Variants in SLC6A19 observed in about 807,000 individuals in gnomAD.
SLC6A19 encodes the protein sodium-dependent neutral amino acid transporter B(0)AT1.
In SLC6A19, 67 loss-of-function variants were observed where a neutral mutation model predicts 68.3. The ratio of observed to expected loss-of-function variants is 0.98; its 90% CI spans 0.81 to 1.20. The LOEUF (loss-of-function observed/expected upper bound fraction) is 1.20. SLC6A19 is among the 50% of genes most tolerant of loss of function. The probability of loss-of-function intolerance (pLI) is 0.00; values close to 1 mark genes in which losing one functional copy is unlikely to be tolerated. For synonymous variants in SLC6A19, 392 were observed against 374.9 expected, an observed-to-expected ratio of 1.05 and a Z score of -0.53; for missense variants, 813 against 851.6, an observed-to-expected ratio of 0.95 and a Z score of 0.56.
intron 1 of SLC6A19, among the ~76,000 whole-genome samples, chr5:1,206,364 C>CTG (rs112616037): frequency 0.21 from 18,881 of 89,432 alleles, 1,438 homozygotes; most frequent in Middle Eastern, 0.37. Context: ...GACTCTGTCT[C>CTG]TGTGTGTGTG....
intron 5 of SLC6A19, 87 bp downstream of exon 5, chr5:1,213,660 C>T (rs1373052875): frequency 3.0e-6 from 4 of 1,323,052 alleles, no homozygotes; most frequent in African/African-American, 1.5e-5. Flanking sequence ...CAGCTCTCAC[C>T]CACGGGGACA....
At chr5:1,205,070 C>T (rs1225881954) in intron 1 of SLC6A19, among the ~76,000 whole-genome samples, 2 of 152,168 alleles carry the variant, frequency 1.3e-5, no homozygotes, top group African/African-American at 2.4e-5. Context: ...ACGTCCCCAC[C>T]CCATTCTCTC....
intron 10 of SLC6A19, among the ~76,000 whole-genome samples, chr5:1,220,036 C>G (rs866584485): frequency 6.6e-6 from 1 of 152,004 alleles, no homozygotes; most frequent in Non-Finnish European, 1.5e-5. Flanking sequence ...TGCTCCAGGC[C>G]TTTTTAGGGC....
At position 1,222,475 on chromosome 5, in the gene SLC6A19, CAT is replaced by C. The variant is rs1345631167; in HGVS notation, c.*572_*573del. 7.0e-6 allele frequency: 3 copies of C among 431,640 alleles called. No homozygotes were observed. Among genetic ancestry groups the C allele is most frequent in the East Asian group, 3.2e-5 (1 of 30,804 alleles). 26.7% of individuals were successfully genotyped at this position (431,640 alleles called of 1,614,324 possible). A position where few individuals can be genotyped will look rare whatever the true frequency, so the allele number is the denominator to read the frequency against. On this transcript the variant is annotated 3_prime_UTR_variant, in exon 12 of 12. Transcript: ENST00000304460. ...GTGTGCGTTTGCAAGTATATATGCACATGTGTATATGTACATGTATGCCTGTG... is the reference window on the plus strand; with the variant it reads ...GTGTGCGTTTGCAAGTATATATGCACGTGTATATGTACATGTATGCCTGTG...
At chr5:1,205,848 G>A (rs13171163) in intron 1 of SLC6A19, among the ~76,000 whole-genome samples, 54,015 of 151,522 alleles carry the variant, frequency 0.36, 10,513 homozygotes, top group Non-Finnish European at 0.46. Context: ...CTGCAGGTGA[G>A]CCTGCAGCCC....
Position 1,215,609 on chromosome 5 carries a change from T to C in SLC6A19, c.888-949T>C, listed in dbSNP as rs1249003115. Among the ~76,000 whole-genome samples the C allele has an allele frequency of 6.6e-6, 1 of 152,254 alleles. No individual in the cohort carries two copies. Among genetic ancestry groups the C allele is most frequent in the African/African-American group, 2.4e-5 (1 of 41,464 alleles). On this transcript the variant is annotated intron_variant, in intron 6 of 11. Transcript: ENST00000304460. This position sits in a 1 kb window ranked among gnomAD's most constrained non-coding sequence, Gnocchi z 5.1. The stretch of plus-strand genomic sequence containing the variant: ...ATTCCTGTTTAGGGCTGAGCAATAT[T>C]TCATGGTGTGCATGGGCTACGGTTT...
chr5:1,212,048 T>C lies in SLC6A19; in HGVS notation c.482-255T>C, dbSNP rs1027458042. ...TGCATGTGTGTGCTGTGTGTGTGTGTGCATGTGCATGTGTGGGGTGTGCAG... is the reference window on the plus strand; with the variant it reads ...TGCATGTGTGTGCTGTGTGTGTGTGCGCATGTGCATGTGTGGGGTGTGCAG... On this transcript the variant is annotated intron_variant, in intron 3 of 11. Transcript: ENST00000304460. The surrounding 1 kb of genome is among the most constrained non-coding windows in gnomAD (Gnocchi z 5.1). Among the ~76,000 whole-genome samples, 2 of 151,098 alleles carry C rather than the reference T, an allele frequency of 1.3e-5. No homozygotes were observed. The highest frequency in any genetic ancestry group is 4.9e-5 in the African/African-American group (2 of 40,946).
chr5:1,218,827 G>A lies in SLC6A19; in HGVS notation c.1174-76G>A, dbSNP rs892608796. 2.2e-5 allele frequency: 34 copies of A among 1,519,974 alleles called. No individual in the cohort carries two copies. The African/African-American group carries it at 2.3e-4, about 10-fold the overall frequency. The allele number at this position is 1,519,974 out of a possible 1,614,324, so 94.2% of individuals were successfully genotyped here. A position where few individuals can be genotyped will look rare whatever the true frequency, so the allele number is the denominator to read the frequency against. On this transcript the variant is annotated intron_variant, in intron 8 of 11. Transcript: ENST00000304460. The stretch of plus-strand genomic sequence containing the variant: ...GCCCCATGCTGCGTGGCTTGGCGAC[G>A]CACGAGACCTCGGGCGGGGAGGAGA...
In SLC6A19 at chr5:1,209,361, G is replaced by A. The variant is rs1288779139; in HGVS notation, c.343+475G>A. 6.6e-6 allele frequency among the ~76,000 whole-genome samples: 1 copy of A among 152,208 alleles called. No individual in the cohort carries two copies. Among genetic ancestry groups the A allele is most frequent in the Non-Finnish European group, 1.5e-5 (1 of 68,038 alleles). On this transcript the variant is annotated intron_variant, in intron 2 of 11. Coordinates refer to ENST00000304460, the MANE Select transcript of SLC6A19 (RefSeq NM_001003841.3). The surrounding 1 kb of genome is among the most constrained non-coding windows in gnomAD (Gnocchi z 5.5). ...TCACCAAGAGGACACGGCTCATTAA[G>A]CCCTCAGAATATGGGCAGACGGTGA...
At chr5:1,210,421 C>T (rs562711335) in intron 2 of SLC6A19, 23 bp from the exon 3 acceptor site, 1 of 1,612,010 alleles carries the variant, frequency 6.2e-7, no homozygotes, top group East Asian at 2.2e-5. Flanking sequence ...CGGCCCCAAG[C>T]CTCAGCAGCA....
chr5:1,209,256 G>C lies in SLC6A19; in HGVS notation c.343+370G>C, dbSNP rs1418966597. Among the ~76,000 whole-genome samples the C allele has an allele frequency of 6.6e-6, 1 of 152,148 alleles. No homozygotes were observed. Among genetic ancestry groups the C allele is most frequent in the Non-Finnish European group, 1.5e-5 (1 of 68,022 alleles). On this transcript the variant is annotated intron_variant, in intron 2 of 11. Coordinates refer to ENST00000304460, the MANE Select transcript of SLC6A19 (RefSeq NM_001003841.3). This position sits in a 1 kb window ranked among gnomAD's most constrained non-coding sequence, Gnocchi z 5.5. ...GTGTCCACTCCCCCACACCTAGTGA[G>C]GAGGTCCCCAGCACTGACACCCCCA...
chr5:1,211,296 G>A (rs1418456419), intron 3 of SLC6A19, among the ~76,000 whole-genome samples: 1 of 152,246 alleles, frequency 6.6e-6, no homozygotes, highest in Non-Finnish European at 1.5e-5. Context: ...CCGGGGCTGT[G>A]GGGTCCTCTG....
At chr5:1,210,218 A>C (rs370290026) in intron 2 of SLC6A19, among the ~76,000 whole-genome samples, 1 of 66,076 alleles carries the variant, frequency 1.5e-5, no homozygotes, top group South Asian at 5.1e-4. Context: ...AGGCGTGTGC[A>C]GGGCAGGCGT....
chr5:1,213,057 G>A (rs1412325428), intron 4 of SLC6A19, among the ~76,000 whole-genome samples: 6 of 101,950 alleles, frequency 5.9e-5, no homozygotes, highest in African/African-American at 1.1e-4. Context: ...CCAGCCGCCC[G>A]CAGGCCCTGC....
In SLC6A19 at chr5:1,214,689, G is replaced by A. The variant is rs1037619355; in HGVS notation, c.887+624G>A. ...CAAGTGCAGAAGTTGTCCTCTGTGT[G>A]GTGACCAGAATTTCAGAGCAGAAGG... On this transcript the variant is annotated intron_variant, in intron 6 of 11. Transcript: ENST00000304460. The surrounding 1 kb of genome is among the most constrained non-coding windows in gnomAD (Gnocchi z 7.4). Among the ~76,000 whole-genome samples the A allele has an allele frequency of 6.6e-6, 1 of 152,190 alleles. No individual in the cohort carries two copies. Among genetic ancestry groups the A allele is most frequent in the South Asian group, 2.1e-4 (1 of 4,832 alleles).
chr5:1,205,947 A>G (rs1463332509), intron 1 of SLC6A19, among the ~76,000 whole-genome samples: 1 of 152,130 alleles, frequency 6.6e-6, no homozygotes, highest in Non-Finnish European at 1.5e-5. Context: ...TGAATCCAGC[A>G]TCCCGCCAGC....
chr5:1,208,986 C>A lies in SLC6A19; in HGVS notation c.343+100C>A, dbSNP rs967742224. The A allele has an allele frequency of 2.8e-6, 4 of 1,429,936 alleles. No individual in the cohort carries two copies. In the African/African-American group the frequency reaches 5.7e-5, roughly 20 times the overall value. 88.6% of individuals were successfully genotyped at this position (1,429,936 alleles called of 1,614,324 possible). On this transcript the variant is annotated intron_variant, in intron 2 of 11. Coordinates refer to ENST00000304460, the MANE Select transcript of SLC6A19 (RefSeq NM_001003841.3). ...GTTCGCCTTGCCGGCCTCGGTGCCC[C>A]TGCTCTGCCTTCCCTGTCTGTTTCT...
At position 1,214,789 on chromosome 5, in the gene SLC6A19, C is replaced by T. The variant is rs1488487476; in HGVS notation, c.887+724C>T. 6.9e-6 allele frequency among the ~76,000 whole-genome samples: 1 copy of T among 144,028 alleles called. No individual in the cohort carries two copies. Among genetic ancestry groups the T allele is most frequent in the Non-Finnish European group, 1.5e-5 (1 of 66,454 alleles). The allele number at this position is 144,028 out of a possible 152,430, so 94.5% of individuals were successfully genotyped here. ...GTGAAGGTGCGATTGGAGTCAGACA[C>T]AGGGGACCCTCAGTGCAAGGGGGCA... On this transcript the variant is annotated intron_variant, in intron 6 of 11. Transcript: ENST00000304460. This position sits in a 1 kb window ranked among gnomAD's most constrained non-coding sequence, Gnocchi z 7.4.
rs2126505628 is a variant in SLC6A19 at position 1,214,017 on chromosome 5, C to A, written c.839C>A (p.Ser280Tyr). 13 of 1,613,842 alleles carry A rather than the reference C, an allele frequency of 8.1e-6. No individual in the cohort carries two copies. The highest frequency in any genetic ancestry group is 2.2e-5 in the East Asian group (1 of 44,884). The change falls in exon 6 of 12, where the codon TCC (serine) becomes TAC (tyrosine). Residue 280 changes from serine (S) to tyrosine (Y), a missense_variant. Physicochemically the swap from Ser to Tyr is moderately radical, Grantham distance 144. Coordinates refer to ENST00000304460, the MANE Select transcript of SLC6A19 (RefSeq NM_001003841.3). This position sits in a 1 kb window ranked among gnomAD's most constrained non-coding sequence, Gnocchi z 7.4. ...GGCGCACAGGTCTTCTTCTCCTTCT[C>A]CCTGGCCTTCGGGGGCCTCATCTCC... ...DAGAQVFFSF[S>Y]LAFGGLISFS... is the part of the protein sequence containing the mutation.
Sources: gnomAD v4.1 joint callset for allele counts (sites outside exome capture counted in the v4.1 genomes callset) on GRCh38, gnomAD v4.1.1 for gene constraint, Gnocchi (gnomAD v3.1) non-coding constraint, MANE v1.5 for transcripts, NCBI Gene and HGNC (gene_info 2026-07-23, HGNC 2026-07-21) for gene names.